Variants in PRKG1 observed in about 807,000 individuals in gnomAD.
The protein encoded by PRKG1 is cGMP-dependent protein kinase 1.
In PRKG1, 35 loss-of-function variants were observed where a neutral mutation model predicts 88.1. The observed-to-expected ratio is 0.40, with a 90% CI of 0.30 to 0.53. The LOEUF is 0.53. Ranked by LOEUF, PRKG1 falls within the 20% of genes least tolerant of loss-of-function variation. The pLI is 0.59. For synonymous variants in PRKG1, 303 were observed against 292.5 expected, an observed-to-expected ratio of 1.04 and a Z score of -0.37; for missense variants, 540 against 839.8, an observed-to-expected ratio of 0.64 and a Z score of 4.41.
chr10:51,724,083 C>G (rs1017968809), intron 3 of PRKG1, among the ~76,000 whole-genome samples: 1 of 152,100 alleles, frequency 6.6e-6, no homozygotes, highest in African/African-American at 2.4e-5. Context: ...AAGATCTGCC[C>G]TCATATTTCC....
At chr10:51,670,671 G>A (rs1409583577) in intron 3 of PRKG1, among the ~76,000 whole-genome samples, 1 of 148,244 alleles carries the variant, frequency 6.7e-6, no homozygotes, top group Non-Finnish European at 1.5e-5. Context: ...GGGAGGCAGA[G>A]CTTGCAGTGA....
intron 3 of PRKG1, among the ~76,000 whole-genome samples, chr10:51,693,434 AT>A (rs746943647): frequency 6.6e-6 from 1 of 152,036 alleles, no homozygotes; most frequent in Non-Finnish European, 1.5e-5. Flanking sequence ...ACAGAGTCTC[AT>A]CTGTTGCCCA....
At chr10:51,899,694 T>TATATATATATATAC (rs1165503542) in intron 4 of PRKG1, among the ~76,000 whole-genome samples, 14 of 142,792 alleles carry the variant, frequency 9.8e-5, no homozygotes, top group South Asian at 4.6e-4. Flanking sequence ...TATATATATA[T>TATATATATATATAC]ACAAATTTCT....
rs187105792 is a variant in PRKG1, at chr10:51,398,463, G to A, written c.479-69260G>A. On this transcript the variant is annotated intron_variant, in intron 2 of 17. Transcript: ENST00000373980. Reference sequence around the variant, plus strand: ...GGTCATGGACTGATATGGGGTCCACGCCCCAGGATTTGAGGACCCCTGCCT... The same window carrying A: ...GGTCATGGACTGATATGGGGTCCACACCCCAGGATTTGAGGACCCCTGCCT... 1.6e-3 allele frequency among the ~76,000 whole-genome samples: 240 copies of A among 152,230 alleles called. 1 individual carries two copies. Among genetic ancestry groups the A allele is most frequent in the African/African-American group, 5.7e-3 (235 of 41,550 alleles).
Position 51,489,693 on chromosome 10 carries a change from G to A in PRKG1, c.592+21857G>A, listed in dbSNP as rs185217975. ...TTTATATCAAAAGAGCTGTCTGAAA[G>A]CAATGTGGAGAATAAATTAGTGCAC... On this transcript the variant is annotated intron_variant, in intron 3 of 17. Coordinates refer to ENST00000373980, the MANE Select transcript of PRKG1 (RefSeq NM_006258.4). 4.6e-5 allele frequency among the ~76,000 whole-genome samples: 7 copies of A among 152,288 alleles called. No homozygotes were observed. The East Asian group carries it at 9.7e-4, about 21-fold the overall frequency.
intron 9 of PRKG1, among the ~76,000 whole-genome samples, chr10:52,163,713 G>C (rs528037725): frequency 1.3e-5 from 2 of 152,122 alleles, no homozygotes; most frequent in African/African-American, 2.4e-5. Flanking sequence ...AAAGATAACT[G>C]TGTGTACATC....
intron 8 of PRKG1, among the ~76,000 whole-genome samples, chr10:52,137,614 C>T (rs570837485): frequency 1.5e-4 from 23 of 152,176 alleles, no homozygotes; most frequent in Non-Finnish European, 1.9e-4. Context: ...TGCATGTCTT[C>T]CCTGTACTTT....
chr10:52,190,758 T>C (rs976957089), intron 9 of PRKG1, among the ~76,000 whole-genome samples: 2 of 152,100 alleles, frequency 1.3e-5, no homozygotes, highest in African/African-American at 4.8e-5. Context: ...ATTATGAAAA[T>C]TGTCAAGCAG....
intron 3 of PRKG1, among the ~76,000 whole-genome samples, chr10:51,762,796 G>C (rs544963140): frequency 6.6e-6 from 1 of 152,212 alleles, no homozygotes; most frequent in South Asian, 2.1e-4. Flanking sequence ...GCCAGCAAAG[G>C]CTACTTTTCT....
At position 51,459,261 on chromosome 10, in the gene PRKG1, A is replaced by T. The variant is rs147329581; in HGVS notation, c.479-8462A>T. Among the ~76,000 whole-genome samples the T allele has an allele frequency of 1.4e-3, 216 of 152,222 alleles. 1 individual carries two copies. Among genetic ancestry groups the T allele is most frequent in the African/African-American group, 5.0e-3 (207 of 41,536 alleles). On this transcript the variant is annotated intron_variant, in intron 2 of 17. Coordinates refer to ENST00000373980, the MANE Select transcript of PRKG1 (RefSeq NM_006258.4). ...GAAACAGACTTTACTAAGAATTTGG[A>T]GAGAGGGGTAGGACATTTATTCTGG... is the stretch of plus-strand genomic sequence containing the variant.
intron 2 of PRKG1, among the ~76,000 whole-genome samples, chr10:51,403,350 T>C (rs77701774): frequency 0.017 from 2,513 of 152,262 alleles, 57 homozygotes; most frequent in African/African-American, 0.054. Flanking sequence ...TTGATTAGAT[T>C]TCTTTAAAGA....
At chr10:51,245,550 C>G (rs1186518856) in intron 2 of PRKG1, 1 of 152,074 alleles carries the variant, frequency 6.6e-6, no homozygotes, top group Non-Finnish European at 1.5e-5. Flanking sequence ...CTTCTTTGAG[C>G]AAGGTGTTGT....
At chr10:51,592,725 C>T (rs552620921) in intron 3 of PRKG1, among the ~76,000 whole-genome samples, 1 of 152,240 alleles carries the variant, frequency 6.6e-6, no homozygotes, top group East Asian at 1.9e-4. Flanking sequence ...ATTCTGGGGG[C>T]TCAGTACCAT....
intron 5 of PRKG1, among the ~76,000 whole-genome samples, chr10:52,001,558 T>C (rs12772070): frequency 6.6e-6 from 1 of 151,746 alleles, no homozygotes; most frequent in Non-Finnish European, 1.5e-5. Flanking sequence ...AGATGAGGGA[T>C]TTTTTTTCCT....
At chr10:51,723,458 A>T (rs1029306778) in intron 3 of PRKG1, among the ~76,000 whole-genome samples, 2 of 152,138 alleles carry the variant, frequency 1.3e-5, no homozygotes, top group Non-Finnish European at 2.9e-5. Flanking sequence ...AACATCACAC[A>T]ACAGGGCCTG....
chr10:52,039,668 C>A (rs1363695700), intron 5 of PRKG1, among the ~76,000 whole-genome samples: 8 of 152,100 alleles, frequency 5.3e-5, no homozygotes, highest in Non-Finnish European at 7.4e-5. Context: ...ACACCATAAC[C>A]TAGGAAGGGA....
At chr10:52,267,233 A>G (rs1841596349) in intron 10 of PRKG1, among the ~76,000 whole-genome samples, 1 of 146,030 alleles carries the variant, frequency 6.8e-6, no homozygotes, top group Non-Finnish European at 1.5e-5. Flanking sequence ...AAATTGCTAT[A>G]ACTGACTCAG....
intron 3 of PRKG1, among the ~76,000 whole-genome samples, chr10:51,708,108 T>C (rs547717703): frequency 6.6e-6 from 1 of 152,290 alleles, no homozygotes; most frequent in African/African-American, 2.4e-5. Context: ...AACAGAAATT[T>C]ATTTTCTTAC....
chr10:51,240,802 G>C (rs1342691835), intron 2 of PRKG1, among the ~76,000 whole-genome samples: 3 of 152,124 alleles, frequency 2.0e-5, no homozygotes, highest in Admixed American at 6.6e-5. Context: ...GGAATAAAAG[G>C]CTGGGACAAT....
Sources: gnomAD v4.1 joint callset for allele counts (sites outside exome capture counted in the v4.1 genomes callset) on GRCh38, gnomAD v4.1.1 for gene constraint, MANE v1.5 for transcripts, NCBI Gene and HGNC (gene_info 2026-07-23, HGNC 2026-07-21) for gene names.